The following PALM2AKAP2 variants were observed in gnomAD, a reference collection of about 807,000 sequenced individuals.
The protein encoded by PALM2AKAP2 is PALM2 and AKAP2 fusion.
Under a neutral mutation model 71.5 loss-of-function variants are expected in PALM2AKAP2, and 37 were observed. That is an observed-to-expected ratio of 0.52 (90% CI 0.40 to 0.68). The LOEUF (loss-of-function observed/expected upper bound fraction) is 0.68. Ranked by LOEUF, PALM2AKAP2 falls within the 30% of genes least tolerant of loss-of-function variation. The pLI, the probability that PALM2AKAP2 is intolerant of heterozygous loss-of-function variation, is 0.00. For synonymous variants in PALM2AKAP2, 468 were observed against 478.8 expected, an observed-to-expected ratio of 0.98 and a Z score of 0.29; for missense variants, 1,224 against 1,191.8, an observed-to-expected ratio of 1.03 and a Z score of -0.40.
At chr9:109,926,734 A>G (rs1830966299) in intron 5 of PALM2AKAP2, among the ~76,000 whole-genome samples, 1 of 151,706 alleles carries the variant, frequency 6.6e-6, no homozygotes, top group African/African-American at 2.4e-5. Context: ...TTCCCTAGAC[A>G]TCTCTCTGAT....
intron 1 of PALM2AKAP2, among the ~76,000 whole-genome samples, chr9:109,786,797 T>G (rs1197256663): frequency 6.9e-6 from 1 of 145,698 alleles, no homozygotes; most frequent in Non-Finnish European, 1.6e-5. Flanking sequence ...GCAGTTATCA[T>G]GGAAAAAAAA....
chr9:110,130,881 C>T (rs1835718879), intron 1 of PALM2AKAP2, among the ~76,000 whole-genome samples: 1 of 152,198 alleles, frequency 6.6e-6, no homozygotes, highest in African/African-American at 2.4e-5. Context: ...ACCAATTTCA[C>T]GGATTTCTAA....
Position 110,024,818 on chromosome 9 carries a change from GT to G in PALM2AKAP2, c.582+8785del. ...AAAAAAAGATATGCCAGTGTCTTGG[GT>G]TTTTTGTTTTTTTTTTTTAACAGCC... On this transcript the variant is annotated intron_variant, in intron 7 of 9. Coordinates refer to the PALM2AKAP2 transcript ENST00000302798. The G allele has an allele frequency of 4.4e-6, 3 of 674,912 alleles. No individual in the cohort carries two copies. In the South Asian group the frequency reaches 5.0e-5, roughly 11 times the overall value. 41.8% of individuals were successfully genotyped at this position (674,912 alleles called of 1,614,324 possible). A position where few individuals can be genotyped will look rare whatever the true frequency, so the allele number is the denominator to read the frequency against.
chr9:110,127,793 G>A (rs766947162), intron 1 of PALM2AKAP2: 2 of 152,206 alleles, frequency 1.3e-5, no homozygotes, highest in Admixed American at 6.5e-5. Context: ...CACAGTTTGC[G>A]CCGTTGAAGA....
At chr9:109,954,165 ACT>A (rs1453550361) in intron 6 of PALM2AKAP2, among the ~76,000 whole-genome samples, 1 of 152,018 alleles carries the variant, frequency 6.6e-6, no homozygotes, top group Non-Finnish European at 1.5e-5. Flanking sequence ...GCCCAAAACA[ACT>A]CTATAAAGTC....
At chr9:109,852,666 C>T (rs934540724) in intron 1 of PALM2AKAP2, among the ~76,000 whole-genome samples, 1 of 152,154 alleles carries the variant, frequency 6.6e-6, no homozygotes, top group African/African-American at 2.4e-5. Flanking sequence ...TATAAATGTT[C>T]CCTTTTCTCT....
chr9:109,957,328 C>A (rs144862758), intron 6 of PALM2AKAP2, among the ~76,000 whole-genome samples: 6 of 152,252 alleles, frequency 3.9e-5, no homozygotes, highest in South Asian at 4.1e-4. Context: ...ACTGATGGAC[C>A]AAATGGCTGG....
intron 1 of PALM2AKAP2, among the ~76,000 whole-genome samples, chr9:109,810,021 C>A (rs1827685967): frequency 6.6e-6 from 1 of 152,192 alleles, no homozygotes; most frequent in Admixed American, 6.5e-5. Flanking sequence ...ATGTCTTTAT[C>A]AGCAGTGGGA....
chr9:109,931,876 T>A, intron 5 of PALM2AKAP2, 51 bp from the exon 6 acceptor site: 1 of 1,594,372 alleles, frequency 6.3e-7, no homozygotes, highest in Non-Finnish European at 8.6e-7. Flanking sequence ...AGTGAACCCA[T>A]TGGGCCTCCC....
At chr9:110,005,050 A>G (rs1470641543) in intron 6 of PALM2AKAP2, among the ~76,000 whole-genome samples, 1 of 152,084 alleles carries the variant, frequency 6.6e-6, no homozygotes, top group Non-Finnish European at 1.5e-5. Flanking sequence ...TTCTCTGTCC[A>G]GCTTTGTTCC....
At chr9:109,967,186 G>A (rs1262640999) in intron 6 of PALM2AKAP2, among the ~76,000 whole-genome samples, 1 of 152,092 alleles carries the variant, frequency 6.6e-6, no homozygotes, top group South Asian at 2.1e-4. Context: ...TGGGACCTCA[G>A]CTGGGGCTGT....
At chr9:109,901,441 C>G (rs1214949570) in intron 3 of PALM2AKAP2, among the ~76,000 whole-genome samples, 2 of 152,162 alleles carry the variant, frequency 1.3e-5, no homozygotes, top group African/African-American at 4.8e-5. Context: ...GTCACTCTGT[C>G]CATTAGGAGA....
chr9:110,149,700 C>T (rs995770989), intron 2 of PALM2AKAP2, among the ~76,000 whole-genome samples: 2 of 152,228 alleles, frequency 1.3e-5, no homozygotes, highest in Middle Eastern at 3.4e-3. Flanking sequence ...GCCTGTAATG[C>T]CAGCACTTTG....
chr9:109,865,130 A>C (rs1829417006), intron 1 of PALM2AKAP2, among the ~76,000 whole-genome samples: 1 of 91,030 alleles, frequency 1.1e-5, no homozygotes, highest in Non-Finnish European at 2.0e-5. Context: ...ACAGAGTCTC[A>C]CTCTGTCGCC....
intron 6 of PALM2AKAP2, among the ~76,000 whole-genome samples, chr9:109,978,150 A>T (rs1832205048): frequency 1.3e-5 from 2 of 152,150 alleles, no homozygotes; most frequent in Admixed American, 6.5e-5. Context: ...CCTCCTCAGG[A>T]CCAGGTGCTG....
chr9:109,736,629 G>T (rs1042277382), intron 1 of PALM2AKAP2, among the ~76,000 whole-genome samples: 1 of 151,782 alleles, frequency 6.6e-6, no homozygotes, highest in Non-Finnish European at 1.5e-5. Context: ...TATTTAGGGG[G>T]TACAAGTGCA....
intron 1 of PALM2AKAP2, among the ~76,000 whole-genome samples, chr9:109,650,906 A>G (rs1298492174): frequency 3.3e-5 from 5 of 152,242 alleles, no homozygotes; most frequent in African/African-American, 9.6e-5. Context: ...ATCTGTTGTT[A>G]TTATATATCT....
intron 1 of PALM2AKAP2, among the ~76,000 whole-genome samples, chr9:110,104,969 A>T (rs1835081213): frequency 6.6e-6 from 1 of 152,242 alleles, no homozygotes; most frequent in Non-Finnish European, 1.5e-5. Flanking sequence ...TTGAGATATT[A>T]GTTAATAGAT....
rs553000040 is a variant in PALM2AKAP2 at position 110,119,690 on chromosome 9, G to A, written c.157-16437G>A. Among the ~76,000 whole-genome samples, 24 of 152,260 alleles carry A rather than the reference G, an allele frequency of 1.6e-4. No individual in the cohort carries two copies. The South Asian group carries it at 4.6e-3, about 29-fold the overall frequency. On this transcript the variant is annotated intron_variant, in intron 1 of 3. Transcript: ENST00000374525. Reference sequence around the variant, plus strand: ...AATGGGATTGAGAGTCATTCTGTATGTCTAAGAATAGTTTATATTTCTTTT... The same window carrying A: ...AATGGGATTGAGAGTCATTCTGTATATCTAAGAATAGTTTATATTTCTTTT...
Sources: gnomAD v4.1 joint callset for allele counts (sites outside exome capture counted in the v4.1 genomes callset) on GRCh38, gnomAD v4.1.1 for gene constraint, MANE v1.5 for transcripts, NCBI Gene and HGNC (gene_info 2026-07-23, HGNC 2026-07-21) for gene names.